Variants in DPYS observed in about 807,000 individuals in gnomAD.
The protein encoded by DPYS is dihydropyrimidinase, also known as dihydropyrimidine amidohydrolase.
A neutral mutation model predicts 50.3 loss-of-function variants in DPYS; 39 were observed. The ratio of observed to expected loss-of-function variants is 0.78; its 90% confidence interval spans 0.60 to 1.01. DPYS has a LOEUF of 1.01. DPYS is among the 50% of genes least tolerant of loss of function. DPYS has a pLI of 0.00. For missense variants in DPYS, 659 were observed against 680.9 expected (o/e 0.97, Z 0.36); for synonymous variants, 245 against 250.7 (o/e 0.98, Z 0.22).
intron 6 of DPYS, among the ~76,000 whole-genome samples, chr8:104,427,769 A>C (rs1260263324): frequency 6.6e-6 from 1 of 152,168 alleles, no homozygotes; most frequent in Non-Finnish European, 1.5e-5. Context: ...TCTAAACTAA[A>C]ATAAACTATG....
chr8:104,423,976 G>T, intron 7 of DPYS: 1 of 985,122 alleles, frequency 1.0e-6, no homozygotes, highest in Non-Finnish European at 1.2e-6. Context: ...TCGGGCATTT[G>T]CCAGGCACTG....
At chr8:104,430,707 T>A (rs1158026031) in intron 4 of DPYS, among the ~76,000 whole-genome samples, 5 of 152,210 alleles carry the variant, frequency 3.3e-5, no homozygotes, top group Non-Finnish European at 5.9e-5. Flanking sequence ...TTCTTCAAAC[T>A]AGCCATCTTC....
intron 4 of DPYS, among the ~76,000 whole-genome samples, chr8:104,440,941 A>C (rs1488008751): frequency 1.3e-5 from 2 of 152,188 alleles, no homozygotes; most frequent in African/African-American, 2.4e-5. Flanking sequence ...CTTCTGTAAA[A>C]GGTCAGTGTG....
chr8:104,445,969 C>T (rs111879346), intron 3 of DPYS, among the ~76,000 whole-genome samples: 25 of 152,178 alleles, frequency 1.6e-4, no homozygotes, highest in African/African-American at 5.3e-4. Context: ...GGTGTGAACC[C>T]GGGAGGTGGA....
intron 1 of DPYS, among the ~76,000 whole-genome samples, chr8:104,464,706 G>C (rs946589601): frequency 6.6e-6 from 1 of 152,194 alleles, no homozygotes; most frequent in Non-Finnish European, 1.5e-5. Context: ...GTAAAATAGA[G>C]CATGCTAAAA....
chr8:104,417,398 C>G (rs1293842310), intron 7 of DPYS, among the ~76,000 whole-genome samples: 3 of 152,326 alleles, frequency 2.0e-5, no homozygotes, highest in Non-Finnish European at 4.4e-5. Flanking sequence ...ATGTCACTCT[C>G]TCTAATAAGA....
chr8:104,408,610 G>T (rs1393876349), intron 7 of DPYS, among the ~76,000 whole-genome samples: 1 of 152,032 alleles, frequency 6.6e-6, no homozygotes, highest in African/African-American at 2.4e-5. Context: ...GGAAAAACAA[G>T]AAATTTGGTT....
In DPYS at chr8:104,426,172, T is replaced by G. The variant is rs371503680; in HGVS notation, c.1093-1783A>C. Among the ~76,000 whole-genome samples the G allele has an allele frequency of 2.6e-5, 4 of 152,080 alleles. No individual in the cohort carries two copies. The South Asian group carries it at 6.2e-4, about 24-fold the overall frequency. On this transcript the variant is annotated intron_variant, in intron 6 of 9. Transcript: ENST00000351513. ...AGCAGAAGATGAGGCTATAGAGATGTTTTGAAGATCTAATTGTAAGTTAAT... is the reference window on the plus strand; with the variant it reads ...AGCAGAAGATGAGGCTATAGAGATGGTTTGAAGATCTAATTGTAAGTTAAT...
At chr8:104,397,805 C>T (rs1811642739) in intron 7 of DPYS, among the ~76,000 whole-genome samples, 1 of 152,154 alleles carries the variant, frequency 6.6e-6, no homozygotes, top group East Asian at 1.9e-4. Context: ...TTGTGAGAGG[C>T]AGAAACCACT....
At chr8:104,462,497 T>C (rs1311208477) in intron 1 of DPYS, among the ~76,000 whole-genome samples, 2 of 152,158 alleles carry the variant, frequency 1.3e-5, no homozygotes, top group African/African-American at 2.4e-5. Flanking sequence ...CCCTTCTCAA[T>C]AATTTTGAGA....
chr8:104,421,866 G>A (rs1023174189), intron 7 of DPYS, among the ~76,000 whole-genome samples: 1 of 152,308 alleles, frequency 6.6e-6, no homozygotes, highest in Middle Eastern at 3.4e-3. Context: ...GCAAGACAAT[G>A]TTATAGAAAT....
intron 1 of DPYS, among the ~76,000 whole-genome samples, chr8:104,459,782 GCTGACA>G (rs767154988): frequency 2.0e-5 from 3 of 152,184 alleles, no homozygotes; most frequent in Non-Finnish European, 4.4e-5. Flanking sequence ...AGACTTGGAA[GCTGACA>G]CCATACCTAA....
intron 7 of DPYS, among the ~76,000 whole-genome samples, chr8:104,421,772 G>T (rs1812555987): frequency 1.3e-5 from 2 of 149,926 alleles, no homozygotes; most frequent in Admixed American, 6.6e-5. Context: ...AATTAAGCAG[G>T]TAATATATAT....
At chr8:104,452,357 C>T (rs968279135) in intron 1 of DPYS, among the ~76,000 whole-genome samples, 1 of 152,144 alleles carries the variant, frequency 6.6e-6, no homozygotes, top group African/African-American at 2.4e-5. Context: ...AGGGATGTTG[C>T]ACAGTGGCTT....
At chr8:104,417,589 T>G (rs1375097054) in intron 7 of DPYS, among the ~76,000 whole-genome samples, 1 of 151,584 alleles carries the variant, frequency 6.6e-6, no homozygotes, top group Non-Finnish European at 1.5e-5. Flanking sequence ...ATTTGAAACT[T>G]TGACCCAAGT....
At chr8:104,426,592 A>G (rs1310693200) in intron 6 of DPYS, among the ~76,000 whole-genome samples, 1 of 152,330 alleles carries the variant, frequency 6.6e-6, no homozygotes, top group South Asian at 2.1e-4. Context: ...GGTAAAAGCA[A>G]TTGAAGAGGA....
At chr8:104,395,807 G>C (rs369135931) in intron 7 of DPYS, among the ~76,000 whole-genome samples, 1 of 151,308 alleles carries the variant, frequency 6.6e-6, no homozygotes. Context: ...TAAATACCCA[G>C]GAGTGAAATT....
intron 4 of DPYS, among the ~76,000 whole-genome samples, chr8:104,432,529 A>C (rs1812990926): frequency 6.6e-6 from 1 of 152,224 alleles, no homozygotes; most frequent in Non-Finnish European, 1.5e-5. Context: ...TATTCATAGA[A>C]ATAAATCTTC....
chr8:104,455,445 C>T (rs768367396), intron 1 of DPYS, among the ~76,000 whole-genome samples: 2 of 152,282 alleles, frequency 1.3e-5, no homozygotes, highest in Middle Eastern at 3.4e-3. Flanking sequence ...GCTGATTTGA[C>T]TAGGATGAGT....
Sources: allele counts gnomAD v4.1 joint callset (sites outside exome capture counted in the v4.1 genomes callset), GRCh38; gene constraint gnomAD v4.1.1; transcripts MANE v1.5; gene names NCBI Gene and HGNC (gene_info 2026-07-23, HGNC 2026-07-21).